COL24A1: variants seen among roughly 807,000 people sequenced by gnomAD.
COL24A1 encodes collagen alpha-1(XXIV) chain.
COL24A1 carries 224 observed loss-of-function variants against 253.9 expected under a neutral mutation model. The ratio of observed to expected loss-of-function variants is 0.88; its 90% CI spans 0.79 to 0.99. COL24A1 has a LOEUF of 0.99. Among genes scored for constraint, COL24A1 ranks in the 50% least tolerant of loss-of-function variants. The probability of loss-of-function intolerance (pLI) is 0.00; values close to 1 mark genes in which losing one functional copy is unlikely to be tolerated. For synonymous variants in COL24A1, 685 were observed against 673.7 expected (o/e 1.02, Z -0.26); for missense variants, 2,131 against 2,068.5 (o/e 1.03, Z -0.59).
intron 12 of COL24A1, among the ~76,000 whole-genome samples, chr1:86,044,790 C>T (rs1469682119): frequency 6.6e-6 from 1 of 151,960 alleles, no homozygotes; most frequent in Non-Finnish European, 1.5e-5. Context: ...TAGAAATTAC[C>T]TGTACATTGC....
chr1:85,730,417 T>G lies in COL24A1; in HGVS notation c.*129A>C. The G allele has an allele frequency of 5.9e-5, 57 of 962,288 alleles. No homozygotes were observed. The highest frequency in any genetic ancestry group is 7.6e-5 in the Non-Finnish European group (51 of 668,480). 59.6% of individuals were successfully genotyped at this position (962,288 alleles called of 1,614,324 possible). On this transcript the variant is annotated 3_prime_UTR_variant, in exon 60 of 60. Transcript: ENST00000370571. Reference sequence around the variant, plus strand: ...TTCTTAGGAGGAAGTCTGTTCTTCCTGAGATTCTTTAAGATTTAGCCAATG... The same window carrying G: ...TTCTTAGGAGGAAGTCTGTTCTTCCGGAGATTCTTTAAGATTTAGCCAATG...
intron 3 of COL24A1, among the ~76,000 whole-genome samples, chr1:86,124,054 T>C (rs1198031632): frequency 6.6e-6 from 1 of 152,000 alleles, no homozygotes; most frequent in African/African-American, 2.4e-5. Flanking sequence ...AAAAAGAATA[T>C]TTCCAACACT....
intron 55 of COL24A1, among the ~76,000 whole-genome samples, chr1:85,746,133 A>G (rs1239147803): frequency 2.0e-5 from 3 of 152,130 alleles, no homozygotes; most frequent in African/African-American, 7.2e-5. Context: ...TAAAAAAATT[A>G]TCTTAGAACA....
At position 86,134,027 on chromosome 1, in the gene COL24A1, G is replaced by T. The variant is rs1301395378; in HGVS notation, c.122-7813C>A. On this transcript the variant is annotated intron_variant, in intron 2 of 59. Transcript: ENST00000370571. Reference sequence around the variant, plus strand: ...TATTAATTATTGCCTCAATTTCAGAGCCTGTTATTGGTCTATGAAGAGATT... The same window carrying T: ...TATTAATTATTGCCTCAATTTCAGATCCTGTTATTGGTCTATGAAGAGATT... Among the ~76,000 whole-genome samples the T allele has an allele frequency of 8.5e-5, 13 of 152,100 alleles. No individual in the cohort carries two copies. The South Asian group carries it at 2.7e-3, about 32-fold the overall frequency.
At chr1:86,112,505 T>C (rs1455478186) in intron 5 of COL24A1, 62 bp downstream of exon 5, 1 of 1,448,220 alleles carries the variant, frequency 6.9e-7, no homozygotes, top group Non-Finnish European at 9.6e-7. Context: ...GATCTTCTTT[T>C]TAATATCAGG....
In COL24A1 at chr1:85,818,627, T is replaced by C. The variant is rs1570743754; in HGVS notation, c.3790-540A>G. 6.6e-5 allele frequency among the ~76,000 whole-genome samples: 10 copies of C among 152,156 alleles called. No individual in the cohort carries two copies. The South Asian group carries it at 2.1e-3, about 31-fold the overall frequency. The stretch of plus-strand genomic sequence containing the variant: ...GATATTTATTTCCCACGGAACTGTT[T>C]GTTTTTCCATGTGTGAGATGTTTTA... On this transcript the variant is annotated intron_variant, in intron 45 of 59. Transcript: ENST00000370571.
At chr1:85,919,991 CA>C (rs1436625193) in intron 24 of COL24A1, among the ~76,000 whole-genome samples, 2 of 152,014 alleles carry the variant, frequency 1.3e-5, no homozygotes, top group African/African-American at 4.8e-5. Flanking sequence ...AGTACAGTTG[CA>C]AATCAATTTC....
chr1:85,885,392 TA>T (rs367913821), intron 32 of COL24A1, among the ~76,000 whole-genome samples: 316 of 89,514 alleles, frequency 3.5e-3, no homozygotes, highest in Admixed American at 8.5e-3. Flanking sequence ...TATATATATA[TA>T]TATATTTTTT....
chr1:86,074,931 G>C (rs1256299025), intron 7 of COL24A1, among the ~76,000 whole-genome samples: 1 of 152,040 alleles, frequency 6.6e-6, no homozygotes, highest in Non-Finnish European at 1.5e-5. Flanking sequence ...AGCACTAAAT[G>C]CTATAGGGAA....
intron 20 of COL24A1, among the ~76,000 whole-genome samples, chr1:85,974,343 C>T (rs1692455922): frequency 6.6e-6 from 1 of 151,966 alleles, no homozygotes; most frequent in African/African-American, 2.4e-5. Flanking sequence ...TGTTTATCAG[C>T]AGTAGTATCA....
At chr1:85,985,253 T>C (rs1693618849) in intron 20 of COL24A1, among the ~76,000 whole-genome samples, 2 of 151,706 alleles carry the variant, frequency 1.3e-5, no homozygotes, top group Admixed American at 6.6e-5. Flanking sequence ...CAGAAGGGCA[T>C]AGGAACATAT....
chr1:85,869,464 A>T (rs1680172240), intron 35 of COL24A1, among the ~76,000 whole-genome samples: 3 of 152,232 alleles, frequency 2.0e-5, no homozygotes. Context: ...CGGGTTAACC[A>T]CAAAGGAAAG....
chr1:86,029,016 C>T (rs1698302123), intron 14 of COL24A1, among the ~76,000 whole-genome samples: 1 of 152,080 alleles, frequency 6.6e-6, no homozygotes, highest in African/African-American at 2.4e-5. Flanking sequence ...AGCTTTTTAG[C>T]TAATCAACTC....
intron 7 of COL24A1, among the ~76,000 whole-genome samples, chr1:86,088,701 T>C (rs1349701813): frequency 6.6e-6 from 1 of 152,152 alleles, no homozygotes; most frequent in Non-Finnish European, 1.5e-5. Context: ...CAGAGATTAT[T>C]ATTTCCCAGT....
chr1:85,830,663 C>T (rs373091883), intron 43 of COL24A1, among the ~76,000 whole-genome samples: 17 of 152,104 alleles, frequency 1.1e-4, no homozygotes, highest in African/African-American at 2.4e-4. Context: ...GCGCAGTATT[C>T]GGGTCAGAGT....
intron 53 of COL24A1, among the ~76,000 whole-genome samples, chr1:85,763,492 CTT>C (rs371408246): frequency 6.0e-4 from 75 of 124,524 alleles, no homozygotes; most frequent in Middle Eastern, 4.8e-3. Flanking sequence ...CTTTTACTTT[CTT>C]TTTTTTTTTT....
chr1:86,069,723 C>T (rs1701737209), intron 7 of COL24A1, among the ~76,000 whole-genome samples: 1 of 152,188 alleles, frequency 6.6e-6, no homozygotes, highest in African/African-American at 2.4e-5. Context: ...ACAAGAATCT[C>T]TGCTTGGTAA....
chr1:85,958,295 A>T (rs991355080), intron 24 of COL24A1, among the ~76,000 whole-genome samples: 2 of 151,976 alleles, frequency 1.3e-5, no homozygotes, highest in African/African-American at 2.4e-5. Context: ...ATTACTACTT[A>T]TATGTCATTT....
Position 86,031,968 on chromosome 1 carries a change from C to A in COL24A1, c.2005-46G>T, listed in dbSNP as rs746939824. ...AATACTTATTAAATTTGATTCCCAA[C>A]TACTAAGGGTATTTCTGAAGATAAA... On this transcript the variant is annotated intron_variant, in intron 13 of 59. Transcript: ENST00000370571. The A allele has an allele frequency of 2.1e-5, 30 of 1,460,504 alleles. No individual in the cohort carries two copies. In the South Asian group the frequency reaches 3.5e-4, roughly 17 times the overall value. 90.5% of individuals were successfully genotyped at this position (1,460,504 alleles called of 1,614,324 possible). A position where few individuals can be genotyped will look rare whatever the true frequency, so the allele number is the denominator to read the frequency against.
Sources: allele counts gnomAD v4.1 joint callset (sites outside exome capture counted in the v4.1 genomes callset), GRCh38; gene constraint gnomAD v4.1.1; transcripts MANE v1.5; gene names NCBI Gene and HGNC (gene_info 2026-07-23, HGNC 2026-07-21).